Variants in IL1RAPL2 observed in about 807,000 individuals in gnomAD.
IL1RAPL2 encodes the protein X-linked interleukin-1 receptor accessory protein-like 2.
In IL1RAPL2, 3 loss-of-function variants were observed where a neutral mutation model predicts 44.1. That is an observed-to-expected ratio of 0.07 (90% CI 0.03 to 0.18). The LOEUF is 0.18. Ranked by LOEUF, IL1RAPL2 falls within the 10% of genes least tolerant of loss-of-function variation. The probability of loss-of-function intolerance (pLI) is 1.00; values close to 1 mark genes in which losing one functional copy is unlikely to be tolerated. For synonymous variants in IL1RAPL2, 181 were observed against 178.8 expected (o/e 1.01, Z -0.10); for missense variants, 391 against 496.4 (o/e 0.79, Z 2.02).
intron 5 of IL1RAPL2, among the ~76,000 whole-genome samples, chrX:105,461,341 TG>T (rs2036091568): frequency 1.8e-5 from 2 of 111,375 alleles, no homozygotes; most frequent in African/African-American, 6.5e-5. Flanking sequence ...ATAAGGGACT[TG>T]GGCAAGAGGA....
At chrX:104,822,706 T>C (rs1388636578) in intron 2 of IL1RAPL2, among the ~76,000 whole-genome samples, 1 of 112,271 alleles carries the variant, frequency 8.9e-6, no homozygotes, top group Non-Finnish European at 1.9e-5. Context: ...TCCAGCTTTG[T>C]TCTTTTTGCT....
chrX:105,645,279 A>G (rs1355265121), intron 6 of IL1RAPL2, among the ~76,000 whole-genome samples: 1 of 111,110 alleles, frequency 9.0e-6, no homozygotes, highest in Non-Finnish European at 1.9e-5. Flanking sequence ...AGCTTTGTCC[A>G]ATGGGCCCAG....
intron 2 of IL1RAPL2, among the ~76,000 whole-genome samples, chrX:105,088,251 G>GTGA (rs887514068): frequency 5.4e-5 from 6 of 111,735 alleles, no homozygotes; most frequent in Non-Finnish European, 7.5e-5. Flanking sequence ...TAGCTAGCTG[G>GTGA]TGATGAGTAA....
At chrX:105,566,200 GAGAGAGAGAGAAAA>G (rs2036973755) in intron 6 of IL1RAPL2, among the ~76,000 whole-genome samples, 1 of 111,098 alleles carries the variant, frequency 9.0e-6, no homozygotes, top group African/African-American at 3.3e-5. Context: ...CCCAGGAAAA[GAGAGAGAGAGAAAA>G]AGAGAGAGAG....
chrX:105,673,133 C>A (rs1487203773), intron 6 of IL1RAPL2, among the ~76,000 whole-genome samples: 2 of 111,617 alleles, frequency 1.8e-5, no homozygotes, highest in Non-Finnish European at 3.8e-5. Context: ...ATTATAGCGA[C>A]TCTATCTTCC....
At chrX:105,549,598 T>A (rs1248116304) in intron 6 of IL1RAPL2, among the ~76,000 whole-genome samples, 2 of 111,676 alleles carry the variant, frequency 1.8e-5, no homozygotes, top group African/African-American at 6.5e-5. Flanking sequence ...CCCATCCATC[T>A]GAGTCCAATA....
At chrX:105,180,208 G>A (rs1296965478) in intron 2 of IL1RAPL2, among the ~76,000 whole-genome samples, 1 of 110,277 alleles carries the variant, frequency 9.1e-6, no homozygotes, top group East Asian at 2.8e-4. Flanking sequence ...GTGGTGGCAG[G>A]CAACTGTAAT....
chrX:105,616,779 C>A (rs772657219), intron 6 of IL1RAPL2, among the ~76,000 whole-genome samples: 54 of 110,592 alleles, frequency 4.9e-4, no homozygotes, highest in Non-Finnish European at 9.6e-4. Context: ...TTTTTACTTT[C>A]GATAAAGTCC....
At chrX:105,492,316 G>A (rs1004171665) in intron 6 of IL1RAPL2, among the ~76,000 whole-genome samples, 1 of 110,493 alleles carries the variant, frequency 9.1e-6, no homozygotes, top group Admixed American at 9.7e-5. Flanking sequence ...TCACTCCGAA[G>A]TTTTTTCTTT....
chrX:104,745,189 G>C (rs1425643039), intron 2 of IL1RAPL2, among the ~76,000 whole-genome samples: 1 of 111,557 alleles, frequency 9.0e-6, no homozygotes, highest in African/African-American at 3.3e-5. Flanking sequence ...GACCCCCTCT[G>C]ATTTTCCTTT....
intron 3 of IL1RAPL2, among the ~76,000 whole-genome samples, chrX:105,201,343 A>G (rs1460141601): frequency 1.8e-5 from 2 of 112,040 alleles, no homozygotes; most frequent in Non-Finnish European, 3.8e-5. Context: ...TAATTTTTGA[A>G]TCTGTATGGT....
At chrX:104,762,201 G>C (rs1177092059) in intron 2 of IL1RAPL2, among the ~76,000 whole-genome samples, 1 of 109,993 alleles carries the variant, frequency 9.1e-6, no homozygotes, top group Non-Finnish European at 1.9e-5. Flanking sequence ...GTTTTGCTGT[G>C]TTGGCCAGGC....
intron 2 of IL1RAPL2, among the ~76,000 whole-genome samples, chrX:104,906,631 C>T (rs1435251859): frequency 8.9e-6 from 1 of 111,887 alleles, no homozygotes; most frequent in Non-Finnish European, 1.9e-5. Context: ...TATACTGAAC[C>T]AGCCTTGCAT....
chrX:104,938,740 G>A (rs188807311), intron 2 of IL1RAPL2, among the ~76,000 whole-genome samples: 14 of 110,131 alleles, frequency 1.3e-4, no homozygotes, highest in Non-Finnish European at 2.3e-4. Flanking sequence ...GAGGCTGGCC[G>A]TGGCGTTTAA....
chrX:104,868,163 A>G (rs868210552), intron 2 of IL1RAPL2, among the ~76,000 whole-genome samples: 3 of 112,156 alleles, frequency 2.7e-5, no homozygotes, highest in Admixed American at 9.4e-5. Flanking sequence ...GACTATGAGC[A>G]TATTAAGTTC....
intron 2 of IL1RAPL2, among the ~76,000 whole-genome samples, chrX:104,723,122 AC>A (rs1368454260): frequency 9.0e-6 from 1 of 110,664 alleles, no homozygotes; most frequent in Non-Finnish European, 1.9e-5. Context: ...ATCCATTTTG[AC>A]AGAGCCAGTC....
chrX:105,091,019 C>T (rs2032537847), intron 2 of IL1RAPL2, among the ~76,000 whole-genome samples: 1 of 112,153 alleles, frequency 8.9e-6, no homozygotes, highest in African/African-American at 3.2e-5. Flanking sequence ...TAGTTGAAAG[C>T]TCTGTTTAGT....
intron 6 of IL1RAPL2, among the ~76,000 whole-genome samples, chrX:105,641,658 GAT>G (rs2037570669): frequency 8.9e-6 from 1 of 112,078 alleles, no homozygotes; most frequent in Non-Finnish European, 1.9e-5. Context: ...GAGGTGGAGT[GAT>G]GAGGAAAAGG....
At chrX:105,172,227 T>C (rs1228783157) in intron 2 of IL1RAPL2, among the ~76,000 whole-genome samples, 1 of 112,580 alleles carries the variant, frequency 8.9e-6, no homozygotes, top group Non-Finnish European at 1.9e-5. Flanking sequence ...CCTGATAACC[T>C]GTGGAGGAGA....
Sources: allele counts gnomAD v4.1 joint callset (sites outside exome capture counted in the v4.1 genomes callset), GRCh38; gene constraint gnomAD v4.1.1; transcripts MANE v1.5; gene names NCBI Gene and HGNC (gene_info 2026-07-23, HGNC 2026-07-21).